Variants in CREBBP observed in about 807,000 individuals in gnomAD.
The protein encoded by CREBBP is CREB binding lysine acetyltransferase, also known as CREB-binding protein.
In CREBBP, 19 loss-of-function variants were observed where a neutral mutation model predicts 265.0. That is an observed-to-expected ratio of 0.07 (90% CI 0.05 to 0.11). The LOEUF is 0.11. CREBBP is among the 10% of genes least tolerant of loss of function. The probability of loss-of-function intolerance (pLI) is 1.00; values close to 1 mark genes in which losing one functional copy is unlikely to be tolerated. For synonymous variants in CREBBP, 1,457 were observed against 1,223.7 expected, an observed-to-expected ratio of 1.19 and a Z score of -3.98; for missense variants, 2,525 against 3,219.0, an observed-to-expected ratio of 0.78 and a Z score of 5.22.
rs2051832309 is a variant in CREBBP, at chr16:3,729,007, G to C, written c.6040C>G (p.Pro2014Ala). Residue 2014 changes from proline (P) to alanine (A), a missense_variant, in exon 31 of 31, where the codon CCC becomes GCC. This residue lies in a region of CREBBP where 275 missense variants were observed against 276.5 expected (regional missense o/e 0.99). Coordinates refer to ENST00000262367, the MANE Select transcript of CREBBP (RefSeq NM_004380.3). ...TGCCACTGCCCGGGAGGCATGCTGG[G>C]CATGACGGGCCCGCTCACCTGGTTG... ...RPNQVSGPVM[P>A]SMPPGQWQQA... 6.3e-7 allele frequency: 1 copy of C among 1,593,172 alleles called. No homozygotes were observed. The highest frequency in any genetic ancestry group is 8.5e-7 in the Non-Finnish European group (1 of 1,175,322).
chr16:3,729,009 A>C lies in CREBBP; in HGVS notation c.6038T>G (p.Met2013Arg), dbSNP rs2151306545. 3 of 1,593,170 alleles carry C rather than the reference A, an allele frequency of 1.9e-6. No homozygotes were observed. Among genetic ancestry groups the C allele is most frequent in the Non-Finnish European group, 2.6e-6 (3 of 1,175,294 alleles). Residue 2013 changes from methionine to arginine, a missense_variant, in exon 31 of 31, where the codon ATG becomes AGG. By Grantham distance (91) the Met-to-Arg change is moderately conservative. Coordinates refer to ENST00000262367, the MANE Select transcript of CREBBP (RefSeq NM_004380.3). ...CCACTGCCCGGGAGGCATGCTGGGC[A>C]TGACGGGCCCGCTCACCTGGTTGGG... ...PRPNQVSGPVMPSMPPGQWQQ... is the reference protein window; with the variant it reads ...PRPNQVSGPVRPSMPPGQWQQ...
chr16:3,851,183 G>A (rs1475485986), intron 1 of CREBBP, among the ~76,000 whole-genome samples, 174 bp from the exon 2 acceptor site: 2 of 151,396 alleles, frequency 1.3e-5, no homozygotes, highest in South Asian at 2.1e-4. Context: ...AGCTACTCGG[G>A]AGGCTAAGGC....
rs2051790243 is a variant in CREBBP at position 3,727,916 on chromosome 16, T to C, written c.7131A>G (p.Ser2377=). 4 of 1,610,612 alleles carry C rather than the reference T, an allele frequency of 2.5e-6. No homozygotes were observed. Among genetic ancestry groups the C allele is most frequent in the Non-Finnish European group, 3.4e-6 (4 of 1,177,804 alleles). The part of the protein sequence containing the change: ...IQPQPSPHHV[S]PQTGSPHPGL... Reference sequence around the variant, plus strand: ...CGGGGTGGGGGGAACCAGTCTGGGGTGAGACGTGGTGTGGCGAAGGCTGGG... The same window carrying C: ...CGGGGTGGGGGGAACCAGTCTGGGGCGAGACGTGGTGTGGCGAAGGCTGGG... The change falls in exon 31 of 31, where the codon TCA becomes TCG. Residue 2377 remains serine, a synonymous_variant. Coordinates refer to ENST00000262367, the MANE Select transcript of CREBBP (RefSeq NM_004380.3).
At chr16:3,829,775 T>TAA (rs2054306217) in intron 2 of CREBBP, among the ~76,000 whole-genome samples, 1 of 152,150 alleles carries the variant, frequency 6.6e-6, no homozygotes, top group Non-Finnish European at 1.5e-5. Flanking sequence ...CTACACAGTC[T>TAA]AAAAGTACTG....
chr16:3,853,981 C>CACACAT (rs528259484), intron 1 of CREBBP, among the ~76,000 whole-genome samples: 17 of 152,172 alleles, frequency 1.1e-4, no homozygotes, highest in Admixed American at 9.8e-4. Context: ...CACACACACA[C>CACACAT]ACGAAAAAGA....
chr16:3,745,296 C>T lies in CREBBP; in HGVS notation c.3895G>A (p.Asp1299Asn), dbSNP rs1362502121. The T allele has an allele frequency of 6.2e-7, 1 of 1,613,968 alleles. No homozygotes were observed. ...KMHQICVLHY[D>N]IIWPSGFVCD... Reference sequence around the variant, plus strand: ...ACTCACCCTGAAGGCCAAATGATGTCATAGTGCAGAACGCAAATCTGATGC... The same window carrying T: ...ACTCACCCTGAAGGCCAAATGATGTTATAGTGCAGAACGCAAATCTGATGC... Residue 1299 changes from aspartate (D) to asparagine (N), a missense_variant, in exon 22 of 31, where the codon GAC (aspartate) becomes AAC (asparagine). Asp to Asn is a conservative substitution (Grantham distance 23, BLOSUM62 1). Transcript: ENST00000262367.
rs201974615 is a variant in CREBBP, at chr16:3,850,651, G to C, written c.444C>G (p.Ser148=). 1 of 1,614,198 alleles carries C rather than the reference G, an allele frequency of 6.2e-7. No homozygotes were observed. The highest frequency in any genetic ancestry group is 1.3e-5 in the African/African-American group (1 of 75,066). Residue 148 remains serine (S), a synonymous_variant, in exon 2 of 31, where the codon TCC becomes TCG. Coordinates refer to ENST00000262367, the MANE Select transcript of CREBBP (RefSeq NM_004380.3). ...ASTSGPTPAA[S]QALNPQAQKQ... is the part of the protein sequence containing the mutation. ...TTTGTGCTTGCGGATTCAGTGCTTG[G>C]GAGGCAGCGGGGGTGGGCCCAGAGG...
chr16:3,790,939 A>C (rs1405619221), intron 5 of CREBBP, among the ~76,000 whole-genome samples: 1 of 152,194 alleles, frequency 6.6e-6, no homozygotes, highest in Non-Finnish European at 1.5e-5. Flanking sequence ...CAGAAAGAAA[A>C]GCAGCACATG....
At chr16:3,736,505 GTTCTCACTTTAGGCTTTTAT>G in intron 27 of CREBBP, 125 bp downstream of exon 27, 20 of 1,231,572 alleles carry the variant, frequency 1.6e-5, no homozygotes, top group Non-Finnish European at 2.3e-5. Flanking sequence ...ATGCTTCTAA[GTTCTCACTTTAGGCTTTTAT>G]TTTTCTGCTT....
intron 1 of CREBBP, among the ~76,000 whole-genome samples, chr16:3,859,383 G>A (rs550250922): frequency 1.4e-4 from 21 of 152,082 alleles, no homozygotes; most frequent in African/African-American, 4.8e-4. Flanking sequence ...CAGCAGAGAC[G>A]GGGTTTCACC....
chr16:3,835,863 A>G lies in CREBBP; in HGVS notation c.798+14434T>C, dbSNP rs528703518. Among the ~76,000 whole-genome samples the G allele has an allele frequency of 1.8e-4, 28 of 151,814 alleles. No homozygotes were observed. In the South Asian group the frequency reaches 5.7e-3, roughly 31 times the overall value. On this transcript the variant is annotated intron_variant, in intron 2 of 30. Transcript: ENST00000262367. ...CCAAAGTGCTGGGATTACAGGTGTGAGCCACCGCGCCCGGCAGAAGATTTA... is the reference window on the plus strand; with the variant it reads ...CCAAAGTGCTGGGATTACAGGTGTGGGCCACCGCGCCCGGCAGAAGATTTA...
At chr16:3,795,391 T>C (rs564563679) in intron 3 of CREBBP, among the ~76,000 whole-genome samples, 3 of 152,310 alleles carry the variant, frequency 2.0e-5, no homozygotes, top group African/African-American at 7.2e-5. Context: ...TCCCTTCTTT[T>C]TTCTATATAA....
chr16:3,809,824 C>T (rs2053901041), intron 3 of CREBBP, among the ~76,000 whole-genome samples: 1 of 152,106 alleles, frequency 6.6e-6, no homozygotes, highest in African/African-American at 2.4e-5. Flanking sequence ...TTCTTGTGAT[C>T]TTCCCAAATC....
intron 2 of CREBBP, among the ~76,000 whole-genome samples, chr16:3,838,332 T>C (rs2054497919): frequency 1.3e-5 from 2 of 152,212 alleles, no homozygotes; most frequent in Admixed American, 6.5e-5. Flanking sequence ...TAACAGGCTA[T>C]GCCATCTAGG....
chr16:3,844,428 A>C (rs1429744635), intron 2 of CREBBP, among the ~76,000 whole-genome samples: 1 of 152,222 alleles, frequency 6.6e-6, no homozygotes, highest in Non-Finnish European at 1.5e-5. Flanking sequence ...TAATCAACAT[A>C]GGTAGGTATC....
intron 11 of CREBBP, among the ~76,000 whole-genome samples, chr16:3,776,394 C>T (rs894007192): frequency 2.0e-5 from 3 of 152,140 alleles, no homozygotes; most frequent in Admixed American, 6.6e-5. Context: ...AAAATCACTG[C>T]TTCAACCAAC....
intron 2 of CREBBP, among the ~76,000 whole-genome samples, chr16:3,842,582 A>T (rs2054584674): frequency 2.0e-5 from 3 of 152,322 alleles, no homozygotes; most frequent in South Asian, 4.2e-4. Context: ...AAAGAAAAAA[A>T]TAGTAATATC....
At chr16:3,765,272 G>C (rs914906092) in intron 16 of CREBBP, among the ~76,000 whole-genome samples, 2 of 151,916 alleles carry the variant, frequency 1.3e-5, no homozygotes, top group Admixed American at 1.3e-4. Flanking sequence ...CACCGCGTCT[G>C]GCCGCCTGGT....
chr16:3,830,392 C>G (rs1253091709), intron 2 of CREBBP, among the ~76,000 whole-genome samples: 1 of 151,512 alleles, frequency 6.6e-6, no homozygotes, highest in Non-Finnish European at 1.5e-5. Flanking sequence ...AGAGTGACAT[C>G]CTGTATCAAA....
Sources: gnomAD v4.1 joint callset for allele counts (sites outside exome capture counted in the v4.1 genomes callset) on GRCh38, gnomAD v4.1.1 for gene constraint, gnomAD v4.1.1 regional missense constraint, MANE v1.5 for transcripts, NCBI Gene and HGNC (gene_info 2026-07-23, HGNC 2026-07-21) for gene names.